Variants in GSE1 observed in about 807,000 individuals in gnomAD.
GSE1 encodes the protein Gse1 coiled-coil protein.
Under a neutral mutation model 112.6 loss-of-function variants are expected in GSE1, and 32 were observed. The ratio of observed to expected loss-of-function variants is 0.28; its 90% CI spans 0.21 to 0.38. The LOEUF (loss-of-function observed/expected upper bound fraction) is 0.38. Ranked by LOEUF, GSE1 falls within the 10% of genes least tolerant of loss-of-function variation. The pLI is 1.00. For missense variants in GSE1, 2,348 were observed against 1,699.2 expected, an observed-to-expected ratio of 1.38 and a Z score of -6.71; for synonymous variants, 1,115 against 735.6, an observed-to-expected ratio of 1.52 and a Z score of -8.35.
At chr16:85,513,388 G>C (rs2051811791) in intron 2 of GSE1, among the ~76,000 whole-genome samples, 1 of 152,086 alleles carries the variant, frequency 6.6e-6, no homozygotes, top group African/African-American at 2.4e-5. Context: ...GCCCCCATTT[G>C]CTCCTGAGTA....
intron 2 of GSE1, among the ~76,000 whole-genome samples, chr16:85,472,569 A>G (rs4783214): frequency 0.091 from 13,902 of 152,220 alleles, 1,117 homozygotes; most frequent in African/African-American, 0.22. Context: ...ATAAGGCCAT[A>G]TTACGGGGTG....
intron 1 of GSE1, among the ~76,000 whole-genome samples, chr16:85,589,620 C>A (rs115273510): frequency 0.032 from 4,818 of 152,200 alleles, 247 homozygotes; most frequent in African/African-American, 0.11. Flanking sequence ...TGTGTATGCG[C>A]ATATGTGTGA....
intron 1 of GSE1, among the ~76,000 whole-genome samples, chr16:85,215,371 G>A (rs535266647): frequency 4.6e-5 from 7 of 152,216 alleles, no homozygotes; most frequent in African/African-American, 7.2e-5. Context: ...ACGGGCAGGC[G>A]GAGTGATATC....
chr16:85,297,469 CCT>C (rs1355270327), intron 1 of GSE1, among the ~76,000 whole-genome samples: 1 of 150,058 alleles, frequency 6.7e-6, no homozygotes, highest in Non-Finnish European at 1.5e-5. Context: ...ATGGGTTGCC[CCT>C]GTCATGAATG....
intron 1 of GSE1, among the ~76,000 whole-genome samples, chr16:85,219,004 C>T (rs1421064433): frequency 2.0e-5 from 3 of 152,230 alleles, no homozygotes; most frequent in East Asian, 1.9e-4. Context: ...CTCAGCCTCC[C>T]GAGTAGCTGG....
chr16:85,668,447 G>T (rs186029940), intron 14 of GSE1, 23 bp downstream of exon 14: 46 of 1,492,970 alleles, frequency 3.1e-5, no homozygotes, highest in African/African-American at 4.1e-5. Flanking sequence ...TGGGGAAGAG[G>T]GGGGAGGGGG....
intron 2 of GSE1, among the ~76,000 whole-genome samples, chr16:85,448,592 G>A (rs2049577717): frequency 6.6e-6 from 1 of 152,224 alleles, no homozygotes; most frequent in Non-Finnish European, 1.5e-5. Context: ...AGTGAGCAGA[G>A]CCGACCCTGT....
intron 2 of GSE1, among the ~76,000 whole-genome samples, chr16:85,638,716 C>T (rs906082636): frequency 4.0e-5 from 6 of 150,014 alleles, no homozygotes; most frequent in African/African-American, 7.4e-5. Flanking sequence ...ATTCTTGCCA[C>T]CCCCACCTCC....
At chr16:85,510,420 C>CTGTGTGTGTGTGTGTCTG (rs1555524678) in intron 2 of GSE1, among the ~76,000 whole-genome samples, 10 of 148,878 alleles carry the variant, frequency 6.7e-5, no homozygotes, top group East Asian at 3.9e-4. Flanking sequence ...GTGTGTGTGT[C>CTGTGTGTGTGTGTGTCTG]TGTGTGTGTG....
At position 85,365,891 on chromosome 16, in the gene GSE1, T is replaced by C. The variant is rs562179370; in HGVS notation, c.2464+8248T>C. On this transcript the variant is annotated intron_variant, in intron 2 of 2. Transcript: ENST00000637419. The stretch of plus-strand genomic sequence containing the variant: ...TTTGGAGCTTCTGCTATGTGGCAGA[T>C]CGCCTCCCTGTGCCTCAGTTTCCCC... Among the ~76,000 whole-genome samples the C allele has an allele frequency of 3.9e-5, 6 of 152,298 alleles. No individual in the cohort carries two copies. The South Asian group carries it at 1.2e-3, about 32-fold the overall frequency.
chr16:85,257,913 C>T (rs183168205), intron 1 of GSE1, among the ~76,000 whole-genome samples: 422 of 152,362 alleles, frequency 2.8e-3, no homozygotes, highest in South Asian at 0.011. Context: ...TATACATACA[C>T]GTAAACTGAG....
In GSE1 at chr16:85,672,764, C is replaced by G. The variant is rs968226808; in HGVS notation, c.*225C>G. ...CAGCGAGCAACCAATGTAGGATTGC[C>G]CACAGTTTTTCTTTTTAAAGGTGGT... On this transcript the variant is annotated 3_prime_UTR_variant, in exon 16 of 16. Transcript: ENST00000253458. 1 of 361,500 alleles carries G rather than the reference C, an allele frequency of 2.8e-6. No individual in the cohort carries two copies. Among genetic ancestry groups the G allele is most frequent in the Non-Finnish European group, 5.0e-6 (1 of 200,972 alleles). 22.4% of individuals were successfully genotyped at this position (361,500 alleles called of 1,614,324 possible).
At chr16:85,598,214 G>A (rs1017242766) in intron 1 of GSE1, among the ~76,000 whole-genome samples, 8 of 136,248 alleles carry the variant, frequency 5.9e-5, no homozygotes, top group Non-Finnish European at 1.1e-4. Flanking sequence ...TCTCAGCAGA[G>A]TAGGGCTGGA....
chr16:85,202,831 C>T (rs188951235), intron 1 of GSE1, among the ~76,000 whole-genome samples: 21 of 152,264 alleles, frequency 1.4e-4, no homozygotes, highest in Admixed American at 2.0e-4. Flanking sequence ...CAAGGGGGAG[C>T]GGAGGCTGGG....
chr16:85,423,411 C>T (rs917959547), intron 2 of GSE1, among the ~76,000 whole-genome samples: 2 of 152,180 alleles, frequency 1.3e-5, no homozygotes, highest in Admixed American at 1.3e-4. Flanking sequence ...TGGAGGGCTT[C>T]GGAAGTCACC....
At chr16:85,221,999 G>A (rs1311877043) in intron 1 of GSE1, among the ~76,000 whole-genome samples, 2 of 152,128 alleles carry the variant, frequency 1.3e-5, no homozygotes, top group Non-Finnish European at 2.9e-5. Context: ...GGCCGGGGAG[G>A]CCCACAGCAG....
intron 2 of GSE1, among the ~76,000 whole-genome samples, chr16:85,500,294 A>C (rs183107376): frequency 1.6e-4 from 24 of 152,356 alleles, no homozygotes; most frequent in African/African-American, 5.1e-4. Flanking sequence ...GCAAACCTCC[A>C]GAGAAGTGAT....
chr16:85,370,691 G>T (rs1028624429), intron 2 of GSE1, among the ~76,000 whole-genome samples: 1 of 150,920 alleles, frequency 6.6e-6, no homozygotes, highest in Admixed American at 6.6e-5. Context: ...CCTGGAGCGA[G>T]TTCTAGGCCC....
At chr16:85,550,544 C>T (rs1445488638) in intron 2 of GSE1, among the ~76,000 whole-genome samples, 1 of 151,998 alleles carries the variant, frequency 6.6e-6, no homozygotes. Context: ...CCTCCCTTTC[C>T]TGGAATTTGG....
Sources: gnomAD v4.1 joint callset for allele counts (sites outside exome capture counted in the v4.1 genomes callset) on GRCh38, gnomAD v4.1.1 for gene constraint, MANE v1.5 for transcripts, NCBI Gene and HGNC (gene_info 2026-07-23, HGNC 2026-07-21) for gene names.